The following IL1RAPL1 variants were observed in gnomAD, a reference collection of about 807,000 sequenced individuals.
IL1RAPL1 encodes the protein interleukin-1 receptor accessory protein-like 1.
IL1RAPL1 carries 3 observed loss-of-function variants against 48.4 expected under a neutral mutation model. That is an observed-to-expected ratio of 0.06 (90% confidence interval 0.03 to 0.16). The LOEUF is 0.16. IL1RAPL1 is among the 10% of genes least tolerant of loss of function. The probability of loss-of-function intolerance (pLI) is 1.00; values close to 1 mark genes in which losing one functional copy is unlikely to be tolerated. For missense variants in IL1RAPL1, 349 were observed against 530.6 expected, an observed-to-expected ratio of 0.66 and a Z score of 3.36; for synonymous variants, 185 against 187.7, an observed-to-expected ratio of 0.99 and a Z score of 0.12.
At chrX:29,367,725 C>T (rs938744899) in intron 3 of IL1RAPL1, among the ~76,000 whole-genome samples, 11 of 108,568 alleles carry the variant, frequency 1.0e-4, no homozygotes, top group Non-Finnish European at 1.9e-4. Flanking sequence ...GGACTACAGG[C>T]GCACGCCACC....
intron 2 of IL1RAPL1, among the ~76,000 whole-genome samples, chrX:28,851,786 C>T (rs1377565671): frequency 9.0e-6 from 1 of 111,716 alleles, no homozygotes; most frequent in African/African-American, 3.3e-5. Flanking sequence ...AAACGGAACC[C>T]CCAAATGACA....
rs190076695 is a variant in IL1RAPL1 at position 29,166,078 on chromosome X, G to T, written c.83-116860G>T. On this transcript the variant is annotated intron_variant, in intron 2 of 10. Coordinates refer to ENST00000378993, the MANE Select transcript of IL1RAPL1 (RefSeq NM_014271.4). ...TTTGCATATGCATATAGATTTTCCA[G>T]TTCCATTCAGCATGAGGCATCAACT... Among the ~76,000 whole-genome samples, 211 of 112,384 alleles carry T rather than the reference G, an allele frequency of 1.9e-3. 1 individual carries two copies. Among genetic ancestry groups the T allele is most frequent in the African/African-American group, 6.6e-3 (204 of 31,008 alleles).
At chrX:28,838,637 G>A (rs922848056) in intron 2 of IL1RAPL1, among the ~76,000 whole-genome samples, 1 of 109,774 alleles carries the variant, frequency 9.1e-6, no homozygotes, top group Non-Finnish European at 1.9e-5. Context: ...AACAAACTCG[G>A]GTTTTTGTCT....
intron 6 of IL1RAPL1, among the ~76,000 whole-genome samples, chrX:29,894,380 ATG>A (rs1460713080): frequency 8.9e-6 from 1 of 112,574 alleles, no homozygotes; most frequent in Non-Finnish European, 1.9e-5. Context: ...AAATTGTAAA[ATG>A]TGTTTGCTAA....
chrX:28,771,955 A>G (rs964929515), intron 1 of IL1RAPL1, among the ~76,000 whole-genome samples: 1 of 109,127 alleles, frequency 9.2e-6, no homozygotes, highest in Non-Finnish European at 1.9e-5. Context: ...AAAAAAAAAA[A>G]AAAAGAAAAA....
intron 6 of IL1RAPL1, among the ~76,000 whole-genome samples, chrX:29,789,258 T>C (rs1929575009): frequency 8.9e-6 from 1 of 112,054 alleles, no homozygotes; most frequent in Non-Finnish European, 1.9e-5. Flanking sequence ...CCTTAAAGTT[T>C]CTTTTCTATT....
intron 5 of IL1RAPL1, among the ~76,000 whole-genome samples, chrX:29,429,176 C>T (rs977377640): frequency 1.0e-3 from 117 of 111,839 alleles, no homozygotes; most frequent in African/African-American, 3.7e-3. Context: ...CAGGAATTAT[C>T]TGGAGATCTT....
At chrX:28,811,436 T>G (rs760433376) in intron 2 of IL1RAPL1, among the ~76,000 whole-genome samples, 1 of 110,392 alleles carries the variant, frequency 9.1e-6, no homozygotes, top group Non-Finnish European at 1.9e-5. Flanking sequence ...TCCTATTCGT[T>G]TTGCATAGAT....
intron 1 of IL1RAPL1, among the ~76,000 whole-genome samples, chrX:28,727,040 T>A (rs1935685192): frequency 8.9e-6 from 1 of 111,977 alleles, no homozygotes; most frequent in Non-Finnish European, 1.9e-5. Context: ...CCCCAGTCTC[T>A]TAATAAAAAT....
At chrX:28,722,558 C>T (rs377290088) in intron 1 of IL1RAPL1, among the ~76,000 whole-genome samples, 1 of 111,480 alleles carries the variant, frequency 9.0e-6, no homozygotes, top group South Asian at 3.8e-4. Flanking sequence ...TTGACTTCCT[C>T]TTTTCCTAAT....
intron 2 of IL1RAPL1, among the ~76,000 whole-genome samples, chrX:29,063,317 T>G (rs375019263): frequency 6.3e-5 from 7 of 111,763 alleles, no homozygotes; most frequent in East Asian, 5.6e-4. Flanking sequence ...TCAATAATTA[T>G]AAGCATTTTA....
At chrX:28,996,500 A>G (rs1258002600) in intron 2 of IL1RAPL1, among the ~76,000 whole-genome samples, 6 of 110,885 alleles carry the variant, frequency 5.4e-5, no homozygotes, top group Non-Finnish European at 9.5e-5. Flanking sequence ...TGATAATTCT[A>G]TGTTTAATCT....
At chrX:29,909,016 T>TTAAAACATC (rs1932707833) in intron 6 of IL1RAPL1, among the ~76,000 whole-genome samples, 1 of 111,737 alleles carries the variant, frequency 8.9e-6, no homozygotes, top group South Asian at 3.7e-4. Context: ...TATCAGCTTT[T>TTAAAACATC]TAAAACATCT....
At chrX:28,833,452 G>A (rs745517358) in intron 2 of IL1RAPL1, among the ~76,000 whole-genome samples, 1 of 111,760 alleles carries the variant, frequency 8.9e-6, no homozygotes, top group African/African-American at 3.2e-5. Context: ...CAGTGTGTAA[G>A]TGTTCATTTT....
intron 5 of IL1RAPL1, among the ~76,000 whole-genome samples, chrX:29,541,885 C>T (rs753224476): frequency 9.0e-6 from 1 of 110,833 alleles, no homozygotes; most frequent in South Asian, 3.8e-4. Flanking sequence ...ACGCAATATA[C>T]CCAGGTAACA....
intron 2 of IL1RAPL1, among the ~76,000 whole-genome samples, chrX:29,023,614 A>G: frequency 8.9e-6 from 1 of 112,662 alleles, no homozygotes; most frequent in Non-Finnish European, 1.9e-5. Context: ...TTTTAATTTT[A>G]GATGCTGTCA....
At chrX:29,809,476 T>TA (rs889210119) in intron 6 of IL1RAPL1, among the ~76,000 whole-genome samples, 7 of 111,354 alleles carry the variant, frequency 6.3e-5, no homozygotes, top group Non-Finnish European at 1.3e-4. Context: ...ATGCTTAACT[T>TA]ACGAAATCTA....
chrX:28,900,203 A>G (rs1287905274), intron 2 of IL1RAPL1, among the ~76,000 whole-genome samples: 2 of 112,153 alleles, frequency 1.8e-5, no homozygotes, highest in Non-Finnish European at 3.8e-5. Flanking sequence ...GCTGTTCTGC[A>G]AAGACATTTT....
chrX:29,684,616 G>A (rs1184722175), intron 6 of IL1RAPL1, among the ~76,000 whole-genome samples: 1 of 109,976 alleles, frequency 9.1e-6, no homozygotes, highest in African/African-American at 3.3e-5. Context: ...CATTTTTTTT[G>A]TACTTCTGCT....
Sources: gnomAD v4.1 joint callset for allele counts (sites outside exome capture counted in the v4.1 genomes callset) on GRCh38, gnomAD v4.1.1 for gene constraint, MANE v1.5 for transcripts, NCBI Gene and HGNC (gene_info 2026-07-23, HGNC 2026-07-21) for gene names.